Variants in CFAP61 observed in about 807,000 individuals in gnomAD.
The protein encoded by CFAP61 is cilia and flagella associated protein 61.
Under a neutral mutation model 135.6 loss-of-function variants are expected in CFAP61, and 107 were observed. That is an observed-to-expected ratio of 0.79 (90% CI 0.67 to 0.93). The LOEUF (loss-of-function observed/expected upper bound fraction) is 0.93, where lower values mean the gene tolerates loss of function less well. Among genes scored for constraint, CFAP61 ranks in the 40% least tolerant of loss-of-function variants. The pLI is 0.00. For synonymous variants in CFAP61, 575 were observed against 578.5 expected, an observed-to-expected ratio of 0.99 and a Z score of 0.09; for missense variants, 1,507 against 1,556.2, an observed-to-expected ratio of 0.97 and a Z score of 0.53.
chr20:20,198,468 A>C (rs908025741), intron 16 of CFAP61, among the ~76,000 whole-genome samples: 3 of 152,224 alleles, frequency 2.0e-5, no homozygotes, highest in Non-Finnish European at 2.9e-5. Context: ...GTAGCCTCTA[A>C]AAACATGCTT....
At chr20:20,065,828 G>T (rs1321915257) in intron 2 of CFAP61, among the ~76,000 whole-genome samples, 1 of 152,118 alleles carries the variant, frequency 6.6e-6, no homozygotes, top group Non-Finnish European at 1.5e-5. Flanking sequence ...CGATCGGGGG[G>T]ACAGAACTGT....
intron 9 of CFAP61, among the ~76,000 whole-genome samples, chr20:20,144,420 TC>T (rs11360248): frequency 0.9 from 137,194 of 152,132 alleles, 62,667 homozygotes; most frequent in Middle Eastern, 0.99. Context: ...CTACAATCAA[TC>T]AAGATGAAAA....
chr20:20,332,762 G>A (rs943303625), intron 25 of CFAP61, among the ~76,000 whole-genome samples: 4 of 151,970 alleles, frequency 2.6e-5, no homozygotes, highest in Non-Finnish European at 4.4e-5. Context: ...CTACAGGCAC[G>A]CACCACCACG....
rs2056321281 is a variant in CFAP61, at chr20:20,196,770, A to G, written c.1791A>G (p.Glu597=). The G allele has an allele frequency of 6.2e-7, 1 of 1,613,758 alleles. No individual in the cohort carries two copies. Among genetic ancestry groups the G allele is most frequent in the Non-Finnish European group, 8.5e-7 (1 of 1,179,708 alleles). The change falls in exon 16 of 27, where the codon GAA becomes GAG. Residue 597 remains glutamate (E), a synonymous_variant. Transcript: ENST00000245957. ...ACCGTGTTTACCCAAAATCCAGAGA[A>G]GGCAAGGTAAGAGAATGGTGCAATT... ...LYYRVYPKSR[E]GKFQNPYAHS...
At chr20:20,293,225 G>A (rs939253530) in intron 24 of CFAP61, among the ~76,000 whole-genome samples, 9 of 152,154 alleles carry the variant, frequency 5.9e-5, no homozygotes, top group African/African-American at 1.4e-4. Flanking sequence ...ATGAGCCACC[G>A]ACTCTCTCTA....
At chr20:20,070,006 T>G in intron 2 of CFAP61, 1 of 283,590 alleles carries the variant, frequency 3.5e-6, no homozygotes, top group Non-Finnish European at 7.0e-6. Context: ...AAAATGCATT[T>G]AAATTTATGC....
At chr20:20,267,874 A>C (rs560659492) in intron 21 of CFAP61, 1 of 152,252 alleles carries the variant, frequency 6.6e-6, no homozygotes, top group East Asian at 1.9e-4. Context: ...GATGGCATGC[A>C]TTTCCGGAGG....
intron 26 of CFAP61, among the ~76,000 whole-genome samples, chr20:20,346,918 C>T (rs564235156): frequency 4.8e-4 from 73 of 152,182 alleles, no homozygotes; most frequent in Non-Finnish European, 8.4e-4. Context: ...ACCCAACAGT[C>T]GTGGATGAAA....
At chr20:20,164,342 C>T (rs757456337) in intron 11 of CFAP61, 114 bp downstream of exon 11, 78 of 1,035,082 alleles carry the variant, frequency 7.5e-5, no homozygotes, top group Non-Finnish European at 1.0e-4. Flanking sequence ...ACATCCTAAT[C>T]TCCTGGGGAA....
chr20:20,071,088 T>A, intron 3 of CFAP61, 84 bp downstream of exon 3: 1 of 1,393,350 alleles, frequency 7.2e-7, no homozygotes, highest in South Asian at 1.3e-5. Context: ...TTTCCAAGTT[T>A]TGTACTGAGC....
intron 25 of CFAP61, among the ~76,000 whole-genome samples, chr20:20,305,652 C>T (rs2056427887): frequency 6.6e-6 from 1 of 152,210 alleles, no homozygotes; most frequent in Admixed American, 6.5e-5. Context: ...GGTTCCTGCT[C>T]CTCTGTTTCA....
chr20:20,065,263 A>G (rs2146551285), intron 2 of CFAP61, among the ~76,000 whole-genome samples: 1 of 152,216 alleles, frequency 6.6e-6, no homozygotes, highest in Non-Finnish European at 1.5e-5. Flanking sequence ...GTGAATGCCA[A>G]CCCTTGGATA....
chr20:20,194,749 T>G (rs937800892), intron 15 of CFAP61, among the ~76,000 whole-genome samples: 13 of 152,204 alleles, frequency 8.5e-5, no homozygotes, highest in African/African-American at 3.1e-4. Flanking sequence ...TGTGCTTGAA[T>G]GGAGTACCAG....
chr20:20,351,728 G>GA (rs1233665952), intron 26 of CFAP61, among the ~76,000 whole-genome samples: 1 of 151,990 alleles, frequency 6.6e-6, no homozygotes, highest in Non-Finnish European at 1.5e-5. Flanking sequence ...AAACATTGAT[G>GA]AAAAAAATTG....
intron 22 of CFAP61, 124 bp from the exon 23 acceptor site, chr20:20,288,485 G>T: frequency 2.7e-6 from 2 of 746,862 alleles, no homozygotes. Context: ...CAACATGATA[G>T]CAAACTTTTA....
rs1303378788 is a variant in CFAP61 at position 20,164,285 on chromosome 20, G to T, written c.1205+57G>T. 15 of 1,518,886 alleles carry T rather than the reference G, an allele frequency of 9.9e-6. No individual in the cohort carries two copies. In the East Asian group the frequency reaches 3.5e-4, roughly 35 times the overall value. 94.1% of individuals were successfully genotyped at this position (1,518,886 alleles called of 1,614,324 possible). On this transcript the variant is annotated intron_variant, in intron 11 of 26. Transcript: ENST00000245957. ...GTGAGAATCTTTTCTGGCATTGGTGGCCCAACATTTTAACTTTACAGAGCC... is the reference window on the plus strand; with the variant it reads ...GTGAGAATCTTTTCTGGCATTGGTGTCCCAACATTTTAACTTTACAGAGCC...
At chr20:20,153,523 T>C (rs543066295) in intron 9 of CFAP61, among the ~76,000 whole-genome samples, 1 of 152,052 alleles carries the variant, frequency 6.6e-6, no homozygotes, top group South Asian at 2.1e-4. Flanking sequence ...CAATTAGAAA[T>C]GAAATTTCTA....
chr20:20,236,365 C>T (rs147514823), intron 18 of CFAP61, among the ~76,000 whole-genome samples: 21 of 152,256 alleles, frequency 1.4e-4, no homozygotes, highest in African/African-American at 4.8e-4. Flanking sequence ...GACATTTGCT[C>T]AAAATTGGCA....
At chr20:20,295,090 C>A (rs564196723) in intron 24 of CFAP61, among the ~76,000 whole-genome samples, 11 of 152,110 alleles carry the variant, frequency 7.2e-5, no homozygotes, top group Non-Finnish European at 1.5e-4. Flanking sequence ...ACTCTCACTG[C>A]TCTCAGCCTG....
Sources: allele counts gnomAD v4.1 joint callset (sites outside exome capture counted in the v4.1 genomes callset), GRCh38; gene constraint gnomAD v4.1.1; transcripts MANE v1.5; gene names NCBI Gene and HGNC (gene_info 2026-07-23, HGNC 2026-07-21).